SH3KBP1: variants seen among roughly 807,000 people sequenced by gnomAD.
SH3KBP1 encodes the protein SH3 domain-containing kinase-binding protein 1.
Under a neutral mutation model 50.1 loss-of-function variants are expected in SH3KBP1, and 8 were observed. That is an observed-to-expected ratio of 0.16 (90% confidence interval 0.09 to 0.29). The LOEUF (loss-of-function observed/expected upper bound fraction) is 0.29. Ranked by LOEUF, SH3KBP1 falls within the 10% of genes least tolerant of loss-of-function variation. The pLI, the probability that SH3KBP1 is intolerant of heterozygous loss-of-function variation, is 1.00. For synonymous variants in SH3KBP1, 227 were observed against 218.6 expected, an observed-to-expected ratio of 1.04 and a Z score of -0.34; for missense variants, 377 against 535.2, an observed-to-expected ratio of 0.70 and a Z score of 2.92.
intron 13 of SH3KBP1, among the ~76,000 whole-genome samples, chrX:19,558,166 G>T (rs2065551767): frequency 8.9e-6 from 1 of 112,400 alleles, no homozygotes; most frequent in South Asian, 3.6e-4. Flanking sequence ...ACATAAATTG[G>T]CACAACCTTT....
Position 19,556,069 on chromosome X carries a change from TAACA to T in SH3KBP1, c.1385-5990_1385-5987del, listed in dbSNP as rs747851234. Among the ~76,000 whole-genome samples, 272 of 112,129 alleles carry T rather than the reference TAACA, an allele frequency of 2.4e-3. 1 individual carries two copies. The highest frequency in any genetic ancestry group is 7.9e-3 in the African/African-American group (243 of 30,927). ...TTCAAAAAATGATTATTAAATACAT[TAACA>T]AACAACCTTTCTAGGCTTCAGATTT... On this transcript the variant is annotated intron_variant, in intron 13 of 17. Coordinates refer to ENST00000397821, the MANE Select transcript of SH3KBP1 (RefSeq NM_031892.3).
intron 6 of SH3KBP1, among the ~76,000 whole-genome samples, chrX:19,663,649 C>T (rs540908856): frequency 8.0e-5 from 9 of 112,017 alleles, no homozygotes; most frequent in Non-Finnish European, 1.1e-4. Context: ...ATATAGGTTT[C>T]GGTTGGTTAT....
At chrX:19,687,535 T>C (rs2063193144) in intron 5 of SH3KBP1, 2 of 775,402 alleles carry the variant, frequency 2.6e-6, no homozygotes, top group Non-Finnish European at 4.0e-6. Context: ...CATGAGCAGC[T>C]CAGGAAAGGG....
intron 5 of SH3KBP1, among the ~76,000 whole-genome samples, chrX:19,687,906 T>C (rs1459310133): frequency 8.9e-6 from 1 of 112,298 alleles, no homozygotes; most frequent in Non-Finnish European, 1.9e-5. Flanking sequence ...GCAACCAGTA[T>C]GGCATAAGCA....
chrX:19,707,006 T>C, intron 3 of SH3KBP1, 22 bp from the exon 4 acceptor site: 2 of 1,134,704 alleles, frequency 1.8e-6, no homozygotes, highest in Non-Finnish European at 2.4e-6. Context: ...AAGCAAAATA[T>C]TTAGAGACAG....
intron 5 of SH3KBP1, among the ~76,000 whole-genome samples, chrX:19,692,691 T>TATA (rs1569422988): frequency 9.9e-5 from 8 of 81,156 alleles, no homozygotes; most frequent in African/African-American, 2.5e-4. Context: ...ATATATATAT[T>TATA]TTTTTTTTTT....
intron 9 of SH3KBP1, among the ~76,000 whole-genome samples, chrX:19,605,171 C>G (rs754350331): frequency 1.8e-5 from 2 of 110,566 alleles, no homozygotes; most frequent in South Asian, 3.9e-4. Context: ...TACTGCCCCC[C>G]CCCAAGACAT....
intron 2 of SH3KBP1, among the ~76,000 whole-genome samples, chrX:19,821,409 A>G (rs1246382669): frequency 8.9e-6 from 1 of 111,958 alleles, no homozygotes; most frequent in East Asian, 2.8e-4. Context: ...CAACAGAAAA[A>G]AATTAATGAC....
At chrX:19,694,688 G>A (rs1003946537) in intron 5 of SH3KBP1, among the ~76,000 whole-genome samples, 5 of 111,518 alleles carry the variant, frequency 4.5e-5, no homozygotes, top group African/African-American at 1.3e-4. Context: ...TGCAAATGGC[G>A]TTACCTCCAA....
chrX:19,536,599 A>G, intron 17 of SH3KBP1, 141 bp from the exon 18 acceptor site: 1 of 370,563 alleles, frequency 2.7e-6, no homozygotes, highest in South Asian at 6.7e-5. Context: ...CTGAATAGAC[A>G]ATCAACAGCA....
intron 6 of SH3KBP1, among the ~76,000 whole-genome samples, chrX:19,676,987 G>A (rs992909407): frequency 4.5e-5 from 5 of 112,197 alleles, no homozygotes; most frequent in South Asian, 3.7e-4. Context: ...AGATTTCTCC[G>A]CAGGGAATCC....
chrX:19,691,897 T>C (rs1272914158), intron 5 of SH3KBP1, among the ~76,000 whole-genome samples: 8 of 111,699 alleles, frequency 7.2e-5, no homozygotes, highest in Non-Finnish European at 7.5e-5. Context: ...CAAGATAATA[T>C]GGACAAAGCG....
At chrX:19,748,265 G>A (rs1019379687) in intron 2 of SH3KBP1, among the ~76,000 whole-genome samples, 9 of 111,902 alleles carry the variant, frequency 8.0e-5, no homozygotes, top group African/African-American at 2.9e-4. Context: ...GTGGGTTGAG[G>A]ACGACATAGC....
chrX:19,663,921 A>C (rs1174169484), intron 6 of SH3KBP1, among the ~76,000 whole-genome samples: 3 of 111,932 alleles, frequency 2.7e-5, no homozygotes, highest in Non-Finnish European at 5.6e-5. Flanking sequence ...ACTCATCTCC[A>C]CAAAAAATTT....
chrX:19,765,208 A>G (rs1431630256), intron 2 of SH3KBP1, among the ~76,000 whole-genome samples: 1 of 109,901 alleles, frequency 9.1e-6, no homozygotes, highest in Non-Finnish European at 1.9e-5. Flanking sequence ...TGAACTGAAT[A>G]GTCCTTAGTA....
intron 12 of SH3KBP1, among the ~76,000 whole-genome samples, chrX:19,577,788 G>A (rs2066247161): frequency 9.0e-6 from 1 of 110,854 alleles, no homozygotes; most frequent in Admixed American, 9.6e-5. Context: ...GGTGAGCAAG[G>A]ATGAAAGAAG....
intron 8 of SH3KBP1, among the ~76,000 whole-genome samples, chrX:19,627,187 G>A (rs2068047087): frequency 8.9e-6 from 1 of 112,248 alleles, no homozygotes; most frequent in South Asian, 3.7e-4. Flanking sequence ...GTGAGGAATG[G>A]CTGTTGCTCT....
chrX:19,572,270 A>C (rs1286022625), intron 12 of SH3KBP1, among the ~76,000 whole-genome samples: 2 of 106,540 alleles, frequency 1.9e-5, no homozygotes, highest in Non-Finnish European at 3.8e-5. Flanking sequence ...TGTTATATAG[A>C]GTATATGTTA....
At chrX:19,572,469 A>G (rs9778792) in intron 12 of SH3KBP1, among the ~76,000 whole-genome samples, 2 of 106,632 alleles carry the variant, frequency 1.9e-5, no homozygotes, top group African/African-American at 6.9e-5. Flanking sequence ...GTACATATAT[A>G]CTATATATAG....
Sources: gnomAD v4.1 joint callset for allele counts (sites outside exome capture counted in the v4.1 genomes callset) on GRCh38, gnomAD v4.1.1 for gene constraint, MANE v1.5 for transcripts, NCBI Gene and HGNC (gene_info 2026-07-23, HGNC 2026-07-21) for gene names.